Variants in NSUN7 observed in about 807,000 individuals in gnomAD.
NSUN7 encodes the protein protein NSUN7.
NSUN7 carries 39 observed loss-of-function variants against 58.5 expected under a neutral mutation model. The ratio of observed to expected loss-of-function variants is 0.67; its 90% confidence interval spans 0.52 to 0.87. The LOEUF (loss-of-function observed/expected upper bound fraction) is 0.87, where lower values mean the gene tolerates loss of function less well. Ranked by LOEUF, NSUN7 falls within the 40% of genes least tolerant of loss-of-function variation. NSUN7 has a pLI of 0.00. For synonymous variants in NSUN7, 278 were observed against 303.7 expected (o/e 0.92, Z 0.88); for missense variants, 765 against 844.1 (o/e 0.91, Z 1.16).
At chr4:40,784,441 T>TA (rs1742715515) in intron 7 of NSUN7, among the ~76,000 whole-genome samples, 1 of 152,170 alleles carries the variant, frequency 6.6e-6, no homozygotes, top group Non-Finnish European at 1.5e-5. Flanking sequence ...TATTTGGCCA[T>TA]AAAAAAGAAT....
At chr4:40,750,535 C>A (rs1419296267) in intron 1 of NSUN7, 68 bp from the exon 2 acceptor site, 3 of 770,686 alleles carry the variant, frequency 3.9e-6, no homozygotes, top group Non-Finnish European at 6.0e-6. Context: ...AAGGCCACAA[C>A]GAAGGGGGCC....
rs1744185968 is a variant in NSUN7, at chr4:40,810,467, A to G, written c.*1528A>G. On this transcript the variant is annotated 3_prime_UTR_variant, in exon 12 of 12. Coordinates refer to ENST00000381782, the MANE Select transcript of NSUN7 (RefSeq NM_024677.6). ...GTGGGACACGCCTGTAGTCCCAGCT[A>G]CTTAGGAGGCTGAGGTACGAGGATC... 6.6e-6 allele frequency: 1 copy of G among 150,966 alleles called. No homozygotes were observed. The highest frequency in any genetic ancestry group is 2.1e-4 in the South Asian group (1 of 4,784). The allele number at this position is 150,966 out of a possible 1,614,324, so 9.4% of individuals were successfully genotyped here.
At chr4:40,789,946 ACT>A (rs1432043821) in intron 7 of NSUN7, among the ~76,000 whole-genome samples, 3 of 151,702 alleles carry the variant, frequency 2.0e-5, no homozygotes, top group African/African-American at 7.3e-5. Flanking sequence ...GGGAAGGCAG[ACT>A]CTCTTAAGCT....
At chr4:40,795,584 A>G (rs2154288879) in intron 9 of NSUN7, among the ~76,000 whole-genome samples, 1 of 152,330 alleles carries the variant, frequency 6.6e-6, no homozygotes. Flanking sequence ...ATAAACATAA[A>G]ATTTGGCAAC....
At chr4:40,791,019 C>T (rs980581109) in intron 8 of NSUN7, among the ~76,000 whole-genome samples, 35 of 152,046 alleles carry the variant, frequency 2.3e-4, no homozygotes, top group African/African-American at 6.5e-4. Context: ...TCTGAATATA[C>T]CAGAGCTCTT....
chr4:40,776,693 A>G (rs77119795), intron 7 of NSUN7, among the ~76,000 whole-genome samples: 2,540 of 152,004 alleles, frequency 0.017, 71 homozygotes, highest in African/African-American at 0.058. Flanking sequence ...ACAGTTCACC[A>G]CAGCCTCTAC....
chr4:40,752,628 G>A (rs1740892844), intron 2 of NSUN7, among the ~76,000 whole-genome samples: 1 of 151,964 alleles, frequency 6.6e-6, no homozygotes, highest in Admixed American at 6.6e-5. Context: ...CACGGTGTTA[G>A]CCAGGATGGT....
rs1323911713 is a variant in NSUN7 at position 40,809,055 on chromosome 4, A to T, written c.*116A>T. On this transcript the variant is annotated 3_prime_UTR_variant, in exon 12 of 12. Transcript: ENST00000381782. Reference sequence around the variant, plus strand: ...TATTCATTCTTTTGGTCACCTAGGGATCTTCTAAGTGTGATATTACTTTCA... The same window carrying T: ...TATTCATTCTTTTGGTCACCTAGGGTTCTTCTAAGTGTGATATTACTTTCA... 2 of 1,075,526 alleles carry T rather than the reference A, an allele frequency of 1.9e-6. No individual in the cohort carries two copies. The highest frequency in any genetic ancestry group is 2.6e-6 in the Non-Finnish European group (2 of 775,250). The allele number at this position is 1,075,526 out of a possible 1,614,324, so 66.6% of individuals were successfully genotyped here.
At chr4:40,764,915 T>C (rs1357884946) in intron 4 of NSUN7, among the ~76,000 whole-genome samples, 1 of 151,990 alleles carries the variant, frequency 6.6e-6, no homozygotes, top group Admixed American at 6.5e-5. Flanking sequence ...TCACCCACTT[T>C]TTGATGGGGT....
intron 7 of NSUN7, chr4:40,786,329 T>G (rs1742823170): frequency 1.2e-6 from 2 of 1,612,158 alleles, no homozygotes; most frequent in African/African-American, 1.3e-5. Flanking sequence ...ACTTTTCATT[T>G]CTGGGATGTA....
chr4:40,753,604 C>T (rs757105141), intron 2 of NSUN7, among the ~76,000 whole-genome samples: 4 of 152,128 alleles, frequency 2.6e-5, no homozygotes, highest in Non-Finnish European at 5.9e-5. Flanking sequence ...TATGAAACTT[C>T]TTTTCTTGAA....
In NSUN7 at chr4:40,808,353, C is replaced by A. The variant is rs769491445; in HGVS notation, c.1571C>A (p.Ala524Asp). 6.2e-7 allele frequency: 1 copy of A among 1,614,020 alleles called. No homozygotes were observed. Among genetic ancestry groups the A allele is most frequent in the Non-Finnish European group, 8.5e-7 (1 of 1,179,994 alleles). The change falls in exon 12 of 12, where the codon GCT becomes GAT. Residue 524 changes from alanine to aspartate, a missense_variant. Coordinates refer to ENST00000381782, the MANE Select transcript of NSUN7 (RefSeq NM_024677.6). Reference protein sequence around the residue: ...TVSVNDVLARAAAKGLLDGIE... With the variant: ...TVSVNDVLARDAAKGLLDGIE... ...TCTGTGAATGATGTTTTGGCCCGAG[C>A]TGCAGCCAAGGGTCTGCTGGATGGG...
At chr4:40,777,490 T>C (rs973528485) in intron 7 of NSUN7, among the ~76,000 whole-genome samples, 1 of 151,994 alleles carries the variant, frequency 6.6e-6, no homozygotes, top group Non-Finnish European at 1.5e-5. Flanking sequence ...CTCGCCAACA[T>C]GCCCCGCTAA....
chr4:40,770,692 G>A (rs1245341025), intron 4 of NSUN7, among the ~76,000 whole-genome samples: 2 of 152,070 alleles, frequency 1.3e-5, no homozygotes, highest in Non-Finnish European at 2.9e-5. Flanking sequence ...AAATGTAAAT[G>A]TATATTACAA....
chr4:40,808,264 A>G, intron 11 of NSUN7, 43 bp from the exon 12 acceptor site: 1 of 1,548,276 alleles, frequency 6.5e-7, no homozygotes, highest in African/African-American at 1.4e-5. Context: ...GAGACACAAT[A>G]ATAGCTAACT....
intron 2 of NSUN7, among the ~76,000 whole-genome samples, chr4:40,759,324 TAAA>T (rs1230098565): frequency 5.3e-5 from 8 of 152,064 alleles, no homozygotes; most frequent in African/African-American, 1.9e-4. Flanking sequence ...AATAAATAAA[TAAA>T]TAAAATAAAG....
chr4:40,789,857 T>G (rs1457117692), intron 7 of NSUN7, among the ~76,000 whole-genome samples: 1 of 152,110 alleles, frequency 6.6e-6, no homozygotes, highest in Non-Finnish European at 1.5e-5. Context: ...GAGTGATTCT[T>G]CAGCAGGTGA....
intron 4 of NSUN7, among the ~76,000 whole-genome samples, chr4:40,765,221 G>A (rs7437888): frequency 0.58 from 31,433 of 53,978 alleles, 8,005 homozygotes; most frequent in Middle Eastern, 0.7. Context: ...TAGGTCTAAC[G>A]TTTAAGTCTT....
intron 4 of NSUN7, 69 bp from the exon 5 acceptor site, chr4:40,774,196 A>G: frequency 7.6e-7 from 1 of 1,323,880 alleles, no homozygotes; most frequent in Non-Finnish European, 1.1e-6. Flanking sequence ...AATTTTTTAG[A>G]GTTTCCAGTG....
Sources: gnomAD v4.1 joint callset for allele counts (sites outside exome capture counted in the v4.1 genomes callset) on GRCh38, gnomAD v4.1.1 for gene constraint, MANE v1.5 for transcripts, NCBI Gene and HGNC (gene_info 2026-07-23, HGNC 2026-07-21) for gene names.